Variants in TUBA1C observed in about 807,000 individuals in gnomAD.
The protein encoded by TUBA1C is tubulin alpha 1c.
In TUBA1C, 16 loss-of-function variants were observed where a neutral mutation model predicts 34.9. The observed-to-expected ratio is 0.46, with a 90% CI of 0.31 to 0.70. The LOEUF (loss-of-function observed/expected upper bound fraction) is 0.70. Ranked by LOEUF, TUBA1C falls within the 30% of genes least tolerant of loss-of-function variation. The pLI is 0.05. For missense variants in TUBA1C, 329 were observed against 587.3 expected, an observed-to-expected ratio of 0.56 and a Z score of 4.55; for synonymous variants, 177 against 215.9, an observed-to-expected ratio of 0.82 and a Z score of 1.58.
chr12:49,246,093 A>G lies in TUBA1C; in HGVS notation c.213+17927A>G, dbSNP rs538386914. Among the ~76,000 whole-genome samples, 6 of 151,930 alleles carry G rather than the reference A, an allele frequency of 3.9e-5. No homozygotes were observed. The South Asian group carries it at 1.2e-3, about 32-fold the overall frequency. ...CTAATTTTTGTATTTTTTAGTAGAG[A>G]CCGGGTTTCACCATGTTAGCCAGGC... On this transcript the variant is annotated intron_variant, in intron 1 of 3. Transcript: ENST00000541364.
At position 49,272,425 on chromosome 12, in the gene TUBA1C, A is replaced by G; in HGVS notation, c.548A>G (p.Glu183Gly). 1 of 1,613,648 alleles carries G rather than the reference A, an allele frequency of 6.2e-7. No individual in the cohort carries two copies. The highest frequency in any genetic ancestry group is 8.5e-7 in the Non-Finnish European group (1 of 1,180,002). The stretch of plus-strand genomic sequence containing the variant: ...CCCCAGGTTTCCACAGCTGTAGTTG[A>G]GCCCTACAACTCCATCCTCACCACC... The part of the protein sequence containing the change: ...PAPQVSTAVV[E>G]PYNSILTTHT... Residue 183 changes from glutamate (E) to glycine (G), a missense_variant, in exon 4 of 4, where the codon GAG becomes GGG. By Grantham distance (98) the Glu-to-Gly change is moderately conservative. This residue lies in a region of TUBA1C where 152 missense variants were observed against 240.3 expected (regional missense o/e 0.63). Coordinates refer to ENST00000301072, the MANE Select transcript of TUBA1C (RefSeq NM_032704.5).
In TUBA1C at chr12:49,247,045, C is replaced by A. The variant is rs143361004; in HGVS notation, c.213+18879C>A. The stretch of plus-strand genomic sequence containing the variant: ...ATCTCAGCTACTTGGGAGGCTGACA[C>A]AGGAGAATTGCATGAACCCAGGAGA... On this transcript the variant is annotated intron_variant, in intron 1 of 3. Transcript: ENST00000541364. Among the ~76,000 whole-genome samples, 6 of 150,204 alleles carry A rather than the reference C, an allele frequency of 4.0e-5. No homozygotes were observed. In the East Asian group the frequency reaches 1.2e-3, roughly 29 times the overall value.
At chr12:49,268,957 C>G (rs892201103) in intron 1 of TUBA1C, among the ~76,000 whole-genome samples, 2 of 152,222 alleles carry the variant, frequency 1.3e-5, no homozygotes, top group Admixed American at 1.3e-4. Context: ...CCGAGTAGTT[C>G]ATGAACACAT....
chr12:49,241,301 C>G (rs1942612310), intron 1 of TUBA1C, among the ~76,000 whole-genome samples: 1 of 152,092 alleles, frequency 6.6e-6, no homozygotes, highest in South Asian at 2.1e-4. Context: ...TTATCATGTT[C>G]ATTTTGCACC....
At chr12:49,267,240 A>C (rs1489757546) in intron 1 of TUBA1C, among the ~76,000 whole-genome samples, 9 of 152,234 alleles carry the variant, frequency 5.9e-5, no homozygotes, top group Non-Finnish European at 1.2e-4. Context: ...TAAACAGAAG[A>C]AGCATTTGTT....
At chr12:49,259,564 G>A (rs1942822328) in intron 1 of TUBA1C, among the ~76,000 whole-genome samples, 1 of 152,160 alleles carries the variant, frequency 6.6e-6, no homozygotes, top group African/African-American at 2.4e-5. Context: ...TAAGTATTCA[G>A]TACAGTAACA....
intron 3 of TUBA1C, chr12:49,270,244 A>G: frequency 5.0e-6 from 3 of 603,470 alleles, no homozygotes; most frequent in Non-Finnish European, 8.7e-6. Flanking sequence ...GTGAGTAGGT[A>G]GCTGACTTCT....
At chr12:49,263,237 G>T (rs1003745543), upstream of TUBA1C, among the ~76,000 whole-genome samples, 8 of 151,972 alleles carry the variant, frequency 5.3e-5, no homozygotes, top group Admixed American at 4.6e-4. Flanking sequence ...AGCCAGGCTG[G>T]TCTCAAACTT....
chr12:49,252,491 G>T (rs1443306828), intron 1 of TUBA1C, among the ~76,000 whole-genome samples: 4 of 152,190 alleles, frequency 2.6e-5, no homozygotes, highest in African/African-American at 7.2e-5. Flanking sequence ...AGTGAATAAG[G>T]GTGAAAAGTC....
chr12:49,229,897 C>T (rs1004934716), intron 1 of TUBA1C, among the ~76,000 whole-genome samples: 13 of 152,048 alleles, frequency 8.5e-5, no homozygotes, highest in Non-Finnish European at 1.6e-4. Context: ...AAGCGATTCT[C>T]CTGCCTCAGC....
chr12:49,259,055 G>C (rs1009378736), intron 1 of TUBA1C, among the ~76,000 whole-genome samples: 2 of 151,678 alleles, frequency 1.3e-5, no homozygotes, highest in Non-Finnish European at 2.9e-5. Context: ...CACCGCACCC[G>C]GCCAAAAATG....
At position 49,272,128 on chromosome 12, in the gene TUBA1C, C is replaced by CAGAA. The variant is rs1388800577; in HGVS notation, c.376-124_376-121dup. On this transcript the variant is annotated intron_variant, in intron 3 of 3. Coordinates refer to ENST00000301072, the MANE Select transcript of TUBA1C (RefSeq NM_032704.5). ...CAGGCGTGAGCCACTGCGCCTGGCCCAGAAGAGTTTTAAAATTGCAATTGG... is the reference window on the plus strand; with the variant it reads ...CAGGCGTGAGCCACTGCGCCTGGCCCAGAAAGAAGAGTTTTAAAATTGCAATTGG... 7.4e-6 allele frequency: 11 copies of CAGAA among 1,488,148 alleles called. No homozygotes were observed. In the Admixed American group the frequency reaches 2.8e-4, roughly 37 times the overall value. 92.2% of individuals were successfully genotyped at this position (1,488,148 alleles called of 1,614,324 possible).
At chr12:49,255,396 T>C (rs1278020784) in intron 1 of TUBA1C, among the ~76,000 whole-genome samples, 1 of 143,048 alleles carries the variant, frequency 7.0e-6, no homozygotes, top group Admixed American at 7.0e-5. Flanking sequence ...GCTGAACTTA[T>C]CTTTAAAAAA....
At chr12:49,237,666 G>A (rs1409290793) in intron 1 of TUBA1C, among the ~76,000 whole-genome samples, 1 of 151,388 alleles carries the variant, frequency 6.6e-6, no homozygotes, top group Non-Finnish European at 1.5e-5. Context: ...TATCCCTTGA[G>A]CCTAGGAGTT....
chr12:49,254,448 C>A (rs1410387602), intron 1 of TUBA1C, among the ~76,000 whole-genome samples: 1 of 146,090 alleles, frequency 6.8e-6, no homozygotes, highest in Non-Finnish European at 1.5e-5. Context: ...TGCCACTGCA[C>A]TCCAGCCTGG....
intron 1 of TUBA1C, among the ~76,000 whole-genome samples, chr12:49,267,024 ATTTTCTTG>A (rs1161302380): frequency 6.6e-6 from 1 of 152,100 alleles, no homozygotes; most frequent in East Asian, 1.9e-4. Flanking sequence ...CACTGGTTAA[ATTTTCTTG>A]TTTTTTAACG....
At chr12:49,232,977 T>C (rs1221017549) in intron 1 of TUBA1C, 1 of 152,214 alleles carries the variant, frequency 6.6e-6, no homozygotes, top group African/African-American at 2.4e-5. Context: ...TGGTGATTAA[T>C]TGATTTTGAC....
At chr12:49,230,174 T>C (rs1270460242) in intron 1 of TUBA1C, among the ~76,000 whole-genome samples, 2 of 152,018 alleles carry the variant, frequency 1.3e-5, no homozygotes, top group Non-Finnish European at 2.9e-5. Context: ...TCTATTTAAC[T>C]CTTACATAGC....
At chr12:49,266,028 G>A (rs1222349245) in intron 1 of TUBA1C, among the ~76,000 whole-genome samples, 1 of 150,826 alleles carries the variant, frequency 6.6e-6, no homozygotes, top group East Asian at 1.9e-4. Flanking sequence ...TACTCGGGAG[G>A]CTGAGGCAGG....
Sources: allele counts gnomAD v4.1 joint callset (sites outside exome capture counted in the v4.1 genomes callset), GRCh38; gene constraint gnomAD v4.1.1; regional missense constraint gnomAD v4.1.1; transcripts MANE v1.5; gene names NCBI Gene and HGNC (gene_info 2026-07-23, HGNC 2026-07-21).